FREM2: variants seen among roughly 807,000 people sequenced by gnomAD.
The protein encoded by FREM2 is FRAS1-related extracellular matrix protein 2.
FREM2 carries 119 observed loss-of-function variants against 219.9 expected under a neutral mutation model. The ratio of observed to expected loss-of-function variants is 0.54; its 90% CI spans 0.47 to 0.63. The LOEUF (loss-of-function observed/expected upper bound fraction) is 0.63, where lower values mean the gene tolerates loss of function less well. Among genes scored for constraint, FREM2 ranks in the 30% least tolerant of loss-of-function variants. The pLI is 0.00. For synonymous variants in FREM2, 1,562 were observed against 1,522.8 expected, an observed-to-expected ratio of 1.03 and a Z score of -0.60; for missense variants, 4,030 against 3,993.6, an observed-to-expected ratio of 1.01 and a Z score of -0.25.
intron 6 of FREM2, among the ~76,000 whole-genome samples, chr13:38,808,203 G>A (rs56353099): frequency 1.3e-5 from 2 of 152,076 alleles, no homozygotes; most frequent in African/African-American, 4.8e-5. Flanking sequence ...CAGAATTGAA[G>A]AGAGTTAAGG....
intron 2 of FREM2, among the ~76,000 whole-genome samples, chr13:38,706,434 A>T (rs1482555236): frequency 6.6e-6 from 1 of 152,200 alleles, no homozygotes; most frequent in East Asian, 1.9e-4. Context: ...GCAAGTAAAT[A>T]AATGTACCTT....
chr13:38,777,182 A>T (rs1228264934), intron 4 of FREM2, among the ~76,000 whole-genome samples: 3 of 152,182 alleles, frequency 2.0e-5, no homozygotes, highest in Non-Finnish European at 4.4e-5. Context: ...AATCATATAT[A>T]TATAATTTCT....
At chr13:38,830,747 G>A (rs1876475066) in intron 6 of FREM2, among the ~76,000 whole-genome samples, 1 of 146,792 alleles carries the variant, frequency 6.8e-6, no homozygotes, top group South Asian at 2.1e-4. Context: ...CTTCAATGCT[G>A]CCAAGCATTG....
At chr13:38,767,571 C>G (rs1216709824) in intron 3 of FREM2, among the ~76,000 whole-genome samples, 1 of 152,286 alleles carries the variant, frequency 6.6e-6, no homozygotes, top group Middle Eastern at 3.4e-3. Flanking sequence ...CTATCAGAGG[C>G]AAACTAACAG....
At chr13:38,820,293 T>G (rs182705967) in intron 6 of FREM2, among the ~76,000 whole-genome samples, 256 of 152,240 alleles carry the variant, frequency 1.7e-3, no homozygotes, top group Non-Finnish European at 2.9e-3. Context: ...TGAGTTTGTT[T>G]TGTCTTTTTC....
chr13:38,841,564 GA>G (rs371219491), intron 6 of FREM2, among the ~76,000 whole-genome samples: 1,900 of 145,694 alleles, frequency 0.013, 36 homozygotes, highest in African/African-American at 0.045. Flanking sequence ...CAAAACAAAA[GA>G]AAAAAAAAAG....
intron 2 of FREM2, among the ~76,000 whole-genome samples, chr13:38,704,375 G>A (rs1870456305): frequency 6.6e-6 from 1 of 152,132 alleles, no homozygotes; most frequent in South Asian, 2.1e-4. Flanking sequence ...TTATAATTAA[G>A]CCCCAGATAG....
chr13:38,697,100 C>T (rs184716753), intron 1 of FREM2, among the ~76,000 whole-genome samples: 2 of 152,174 alleles, frequency 1.3e-5, no homozygotes, highest in East Asian at 1.9e-4. Flanking sequence ...GTGTCCAGCC[C>T]GTTTCCACTT....
chr13:38,735,365 A>G (rs1035287892), intron 2 of FREM2, among the ~76,000 whole-genome samples: 2 of 152,200 alleles, frequency 1.3e-5, no homozygotes, highest in African/African-American at 4.8e-5. Context: ...GAAGCCTATG[A>G]CAGAAACATG....
At chr13:38,787,130 T>G (rs770799734) in intron 6 of FREM2, among the ~76,000 whole-genome samples, 1 of 152,138 alleles carries the variant, frequency 6.6e-6, no homozygotes, top group Non-Finnish European at 1.5e-5. Flanking sequence ...CAGAAAATTA[T>G]TTACCCCAGA....
At chr13:38,779,639 A>G (rs1874037829) in intron 4 of FREM2, 1 of 152,146 alleles carries the variant, frequency 6.6e-6, no homozygotes, top group African/African-American at 2.4e-5. Flanking sequence ...ATTTAAAGCA[A>G]AACTTCTTGA....
chr13:38,850,352 T>C, intron 9 of FREM2, 117 bp downstream of exon 9: 2 of 829,540 alleles, frequency 2.4e-6, no homozygotes, highest in East Asian at 2.6e-5. Flanking sequence ...CATGGTTTTA[T>C]GTGCAATAAA....
chr13:38,880,243 G>T, intron 23 of FREM2, 41 bp from the exon 24 acceptor site: 3 of 1,589,800 alleles, frequency 1.9e-6, no homozygotes, highest in Non-Finnish European at 2.6e-6. Flanking sequence ...AGATTGACAT[G>T]GTATCTAGTA....
chr13:38,724,460 T>C (rs960828618), intron 2 of FREM2, among the ~76,000 whole-genome samples: 9 of 152,196 alleles, frequency 5.9e-5, no homozygotes, highest in African/African-American at 1.2e-4. Flanking sequence ...AATATAGATA[T>C]GTTTATCACT....
intron 2 of FREM2, among the ~76,000 whole-genome samples, chr13:38,755,190 C>T (rs1405175044): frequency 2.6e-5 from 4 of 152,004 alleles, no homozygotes; most frequent in South Asian, 2.1e-4. Flanking sequence ...CATGAGCCAC[C>T]ATGCCCGGCC....
Position 38,688,615 on chromosome 13 carries a change from C to G in FREM2, c.1271C>G (p.Pro424Arg), listed in dbSNP as rs1374812044. ...VVDLEGAASD[P>R]FAFMVVVKPM... ...GATCTAGAAGGAGCAGCTTCAGACCCTTTTGCCTTCATGGTAGTGGTGAAG... is the reference window on the plus strand; with the variant it reads ...GATCTAGAAGGAGCAGCTTCAGACCGTTTTGCCTTCATGGTAGTGGTGAAG... The change falls in exon 1 of 24, where the codon CCT becomes CGT. Residue 424 changes from proline (P) to arginine (R), a missense_variant. Physicochemically the swap from Pro to Arg is moderately radical, Grantham distance 103. Transcript: ENST00000280481. 6.2e-7 allele frequency: 1 copy of G among 1,614,018 alleles called. No homozygotes were observed.
intron 2 of FREM2, among the ~76,000 whole-genome samples, chr13:38,729,062 C>T (rs750819144): frequency 2.0e-5 from 3 of 152,108 alleles, no homozygotes; most frequent in Non-Finnish European, 4.4e-5. Context: ...CTTGAACTCC[C>T]GACCTCAGGT....
rs150477757 is a variant in FREM2, at chr13:38,865,220, G to A, written c.7983+614G>A. On this transcript the variant is annotated intron_variant, in intron 16 of 23. Coordinates refer to ENST00000280481, the MANE Select transcript of FREM2 (RefSeq NM_207361.6). ...TTGTTATTTGCACTCTACAGTTACTGATTCTTCTTCATACTACACATTCAC... is the reference window on the plus strand; with the variant it reads ...TTGTTATTTGCACTCTACAGTTACTAATTCTTCTTCATACTACACATTCAC... 2.0e-5 allele frequency among the ~76,000 whole-genome samples: 3 copies of A among 152,136 alleles called. No individual in the cohort carries two copies. In the East Asian group the frequency reaches 5.8e-4, roughly 29 times the overall value.
intron 2 of FREM2, among the ~76,000 whole-genome samples, chr13:38,718,743 G>T (rs953368434): frequency 6.6e-6 from 1 of 152,102 alleles, no homozygotes; most frequent in South Asian, 2.1e-4. Flanking sequence ...CTCCAGTTTC[G>T]AATGTGGACA....
Sources: gnomAD v4.1 joint callset for allele counts (sites outside exome capture counted in the v4.1 genomes callset) on GRCh38, gnomAD v4.1.1 for gene constraint, MANE v1.5 for transcripts, NCBI Gene and HGNC (gene_info 2026-07-23, HGNC 2026-07-21) for gene names.